NALCN: variants seen among roughly 807,000 people sequenced by gnomAD.
The protein encoded by NALCN is sodium leak channel, non-selective.
A neutral mutation model predicts 225.3 loss-of-function variants in NALCN; 111 were observed. That is an observed-to-expected ratio of 0.49 (90% CI 0.42 to 0.58). NALCN has a LOEUF of 0.58. Among genes scored for constraint, NALCN ranks in the 20% least tolerant of loss-of-function variants. The probability of loss-of-function intolerance (pLI) is 0.00; values close to 1 mark genes in which losing one functional copy is unlikely to be tolerated. For synonymous variants in NALCN, 764 were observed against 769.0 expected, an observed-to-expected ratio of 0.99 and a Z score of 0.11; for missense variants, 1,378 against 2,202.4, an observed-to-expected ratio of 0.63 and a Z score of 7.49.
At chr13:101,139,746 C>T (rs757418569) in intron 17 of NALCN, among the ~76,000 whole-genome samples, 7 of 152,138 alleles carry the variant, frequency 4.6e-5, no homozygotes, top group Non-Finnish European at 1.0e-4. Flanking sequence ...GTGGTAGGGT[C>T]TGTGACGGGG....
chr13:101,391,723 G>A (rs1332408691), intron 3 of NALCN, among the ~76,000 whole-genome samples: 1 of 151,268 alleles, frequency 6.6e-6, no homozygotes, highest in South Asian at 2.1e-4. Context: ...AGTGGCTCAC[G>A]CCTGTAATCC....
In NALCN at chr13:101,377,067, A is replaced by G; in HGVS notation, c.376-11T>C. On this transcript the variant is annotated splice_polypyrimidine_tract_variant and intron_variant, in intron 4 of 43. Transcript: ENST00000251127. ...AGCAATTTCAAACACCTACAAATTA[A>G]AAGATGGGTAAATGAGGTTGGATTT... 2 of 1,614,092 alleles carry G rather than the reference A, an allele frequency of 1.2e-6. No individual in the cohort carries two copies. Among genetic ancestry groups the G allele is most frequent in the South Asian group, 2.2e-5 (2 of 91,072 alleles).
chr13:101,241,083 A>G lies in NALCN; in HGVS notation c.1267-3161T>C, dbSNP rs189122002. ...AAATAAGAATTAGCACACCTTTAAA[A>G]GTAGACAGAAAGCACCAGGAAACCC... On this transcript the variant is annotated intron_variant, in intron 11 of 43. Coordinates refer to ENST00000251127, the MANE Select transcript of NALCN (RefSeq NM_052867.4). 1.9e-4 allele frequency among the ~76,000 whole-genome samples: 29 copies of G among 152,360 alleles called. No homozygotes were observed. In the East Asian group the frequency reaches 5.4e-3, roughly 28 times the overall value.
chr13:101,305,191 C>T (rs564878108), intron 7 of NALCN, among the ~76,000 whole-genome samples: 2 of 152,164 alleles, frequency 1.3e-5, no homozygotes, highest in African/African-American at 2.4e-5. Flanking sequence ...GCAGGTCAAA[C>T]GTTGTCTCTT....
At chr13:101,116,644 T>C (rs1278815268) in intron 18 of NALCN, 12 of 442,680 alleles carry the variant, frequency 2.7e-5, no homozygotes, top group African/African-American at 6.1e-5. Flanking sequence ...TCACTCATTA[T>C]AGAAAAGTTA....
intron 30 of NALCN, among the ~76,000 whole-genome samples, chr13:101,087,185 A>G (rs1227191398): frequency 1.3e-5 from 2 of 152,154 alleles, no homozygotes; most frequent in Admixed American, 6.6e-5. Context: ...AGAGGTTTCC[A>G]TTTTCAAAAG....
In NALCN at chr13:101,144,772, A is replaced by G. The variant is rs2037261698; in HGVS notation, c.1964T>C (p.Val655Ala). ...AGTATTTTGGTACCTGATTTTAGGA[A>G]CTGTAAAATCTGAAGGAAGCTTTGA... Reference protein sequence around the residue: ...KISKLPSDFTVPKIRESFMKQ... With the variant: ...KISKLPSDFTAPKIRESFMKQ... Residue 655 changes from valine (V) to alanine (A), a missense_variant, in exon 16 of 44, where the codon GTT (valine) becomes GCT (alanine). This residue lies in a region of NALCN where 62 missense variants were observed against 143.6 expected (regional missense o/e 0.43). Transcript: ENST00000251127. 6.2e-7 allele frequency: 1 copy of G among 1,605,160 alleles called. No individual in the cohort carries two copies. The highest frequency in any genetic ancestry group is 8.5e-7 in the Non-Finnish European group (1 of 1,177,418).
chr13:101,211,304 G>A (rs561250898), intron 13 of NALCN, among the ~76,000 whole-genome samples: 1 of 152,152 alleles, frequency 6.6e-6, no homozygotes, highest in African/African-American at 2.4e-5. Flanking sequence ...AAAATAAGAT[G>A]AGCTGCAAAA....
intron 17 of NALCN, among the ~76,000 whole-genome samples, chr13:101,129,785 G>A (rs556545477): frequency 4.7e-5 from 7 of 148,556 alleles, no homozygotes; most frequent in East Asian, 2.0e-4. Flanking sequence ...GGTTTGTTAC[G>A]TAGGTATGCA....
chr13:101,169,860 G>A (rs1236799655), intron 15 of NALCN, among the ~76,000 whole-genome samples: 1 of 152,234 alleles, frequency 6.6e-6, no homozygotes, highest in Admixed American at 6.5e-5. Flanking sequence ...GTTCTCAATA[G>A]ATAGCATTTG....
intron 13 of NALCN, among the ~76,000 whole-genome samples, chr13:101,225,341 A>G (rs1291635909): frequency 6.6e-6 from 1 of 152,142 alleles, no homozygotes; most frequent in Non-Finnish European, 1.5e-5. Context: ...ACCCTAGTTT[A>G]TCTTTCTCCC....
At chr13:101,222,137 A>G (rs1594467584) in intron 13 of NALCN, among the ~76,000 whole-genome samples, 1 of 152,166 alleles carries the variant, frequency 6.6e-6, no homozygotes, top group Non-Finnish European at 1.5e-5. Context: ...CAACAGTGGC[A>G]TATTTTTCAA....
chr13:101,198,157 C>A lies in NALCN; in HGVS notation c.1627-6103G>T, dbSNP rs962701992. Reference sequence around the variant, plus strand: ...AAATTAATTCAAGATGGAATAAAGACTTAAATGTCAGACATAAAACCATGA... The same window carrying A: ...AAATTAATTCAAGATGGAATAAAGAATTAAATGTCAGACATAAAACCATGA... On this transcript the variant is annotated intron_variant, in intron 13 of 43. Transcript: ENST00000251127. Among the ~76,000 whole-genome samples, 19 of 152,112 alleles carry A rather than the reference C, an allele frequency of 1.2e-4. 1 individual carries two copies. Among genetic ancestry groups the A allele is most frequent in the Admixed American group, 5.2e-4 (8 of 15,270 alleles).
At chr13:101,370,369 G>T (rs1398139159) in intron 6 of NALCN, among the ~76,000 whole-genome samples, 2 of 152,318 alleles carry the variant, frequency 1.3e-5, no homozygotes, top group Non-Finnish European at 2.9e-5. Context: ...AAGAAGGAAA[G>T]CAGTAAATGA....
At chr13:101,308,153 T>C (rs1027125555) in intron 7 of NALCN, among the ~76,000 whole-genome samples, 2 of 152,234 alleles carry the variant, frequency 1.3e-5, no homozygotes, top group Admixed American at 6.5e-5. Flanking sequence ...AATATATTTA[T>C]AATGGACTGG....
intron 41 of NALCN, among the ~76,000 whole-genome samples, chr13:101,061,023 C>A (rs2031888900): frequency 6.6e-6 from 1 of 152,186 alleles, no homozygotes; most frequent in Non-Finnish European, 1.5e-5. Flanking sequence ...AGGATTGAAA[C>A]AATCTCTGTT....
rs1420619266 is a variant in NALCN at position 101,111,138 on chromosome 13, G to T, written c.2281C>A (p.Arg761Ser). 1 of 1,606,220 alleles carries T rather than the reference G, an allele frequency of 6.2e-7. No homozygotes were observed. The highest frequency in any genetic ancestry group is 8.5e-7 in the Non-Finnish European group (1 of 1,174,102). The change falls in exon 19 of 44, where the codon CGC becomes AGC. Residue 761 changes from arginine to serine, a missense_variant. Around this residue, in one of 19 missense-constraint regions of NALCN, gnomAD observed 66 missense variants for 85.7 expected, o/e 0.77. Transcript: ENST00000251127. Reference sequence around the variant, plus strand: ...CCAAGTATTTACCTGCGCTCTTGGCGGATATGATGCTGCACGCTGAGGATT... The same window carrying T: ...CCAAGTATTTACCTGCGCTCTTGGCTGATATGATGCTGCACGCTGAGGATT... The part of the protein sequence containing the change: ...RSILSVQHHI[R>S]QERRSLRHGS...
intron 7 of NALCN, among the ~76,000 whole-genome samples, chr13:101,320,539 A>G (rs1250803739): frequency 6.6e-6 from 1 of 152,214 alleles, no homozygotes. Context: ...TGCCATATAA[A>G]GAAGGTTTTT....
chr13:101,286,892 C>CACACAT (rs2043358627), intron 9 of NALCN, among the ~76,000 whole-genome samples: 1 of 151,892 alleles, frequency 6.6e-6, no homozygotes, highest in Non-Finnish European at 1.5e-5. Context: ...CACACACACA[C>CACACAT]ACACACCTGC....
Sources: allele counts gnomAD v4.1 joint callset (sites outside exome capture counted in the v4.1 genomes callset), GRCh38; gene constraint gnomAD v4.1.1; regional missense constraint gnomAD v4.1.1; transcripts MANE v1.5; gene names NCBI Gene and HGNC (gene_info 2026-07-23, HGNC 2026-07-21).